Variants in TTLL5 observed in about 807,000 individuals in gnomAD.
The protein encoded by TTLL5 is tubulin polyglutamylase TTLL5.
TTLL5 carries 132 observed loss-of-function variants against 168.4 expected under a neutral mutation model. That is an observed-to-expected ratio of 0.78 (90% CI 0.68 to 0.91). The LOEUF is 0.91. Ranked by LOEUF, TTLL5 falls within the 40% of genes least tolerant of loss-of-function variation. TTLL5 has a pLI of 0.00. For missense variants in TTLL5, 1,545 were observed against 1,581.5 expected (o/e 0.98, Z 0.39); for synonymous variants, 546 against 558.6 (o/e 0.98, Z 0.32).
At chr14:75,850,236 G>A (rs1187564850) in intron 28 of TTLL5, among the ~76,000 whole-genome samples, 22 of 151,474 alleles carry the variant, frequency 1.5e-4, no homozygotes, top group Non-Finnish European at 2.7e-4. Flanking sequence ...GAGAAACCCC[G>A]TCTCTACTAA....
At chr14:75,667,392 A>G (rs2140085098) in intron 2 of TTLL5, among the ~76,000 whole-genome samples, 1 of 152,296 alleles carries the variant, frequency 6.6e-6, no homozygotes, top group African/African-American at 2.4e-5. Context: ...GTACTTGCTG[A>G]TTTAGAAATA....
At chr14:75,674,500 T>C (rs1349910678) in intron 3 of TTLL5, among the ~76,000 whole-genome samples, 2 of 152,208 alleles carry the variant, frequency 1.3e-5, no homozygotes, top group Non-Finnish European at 2.9e-5. Flanking sequence ...ACATGTTTCA[T>C]TGAATTCACT....
chr14:75,859,146 G>A (rs1000795902), intron 28 of TTLL5, among the ~76,000 whole-genome samples: 1 of 152,184 alleles, frequency 6.6e-6, no homozygotes, highest in African/African-American at 2.4e-5. Flanking sequence ...TATCTTTATG[G>A]AGAGTGCAAC....
At chr14:75,709,082 C>T in intron 9 of TTLL5, 2 of 672,658 alleles carry the variant, frequency 3.0e-6, no homozygotes, top group Non-Finnish European at 5.4e-6. Context: ...GTTGGACAAG[C>T]TTGTTATAAA....
chr14:75,874,890 C>A (rs1243998112), intron 29 of TTLL5, among the ~76,000 whole-genome samples: 3 of 129,264 alleles, frequency 2.3e-5, no homozygotes, highest in South Asian at 5.3e-4. Context: ...TTTGGGGGTG[C>A]TTTTCTGTTT....
intron 31 of TTLL5, among the ~76,000 whole-genome samples, chr14:75,925,914 GC>G (rs2034039786): frequency 6.6e-6 from 1 of 151,946 alleles, no homozygotes; most frequent in Non-Finnish European, 1.5e-5. Flanking sequence ...GTCAGGCGTG[GC>G]GGCGCGCACC....
intron 28 of TTLL5, among the ~76,000 whole-genome samples, chr14:75,854,862 C>T (rs1897050345): frequency 6.6e-6 from 1 of 152,128 alleles, no homozygotes; most frequent in Non-Finnish European, 1.5e-5. Flanking sequence ...TTCATATCAA[C>T]AGTTACCAAT....
At chr14:75,850,406 C>CA (rs35336374) in intron 28 of TTLL5, among the ~76,000 whole-genome samples, 65,368 of 91,524 alleles carry the variant, frequency 0.71, 22,936 homozygotes, top group Admixed American at 0.77. Context: ...AACTCCGTCT[C>CA]AAAAAAAAAA....
intron 18 of TTLL5, among the ~76,000 whole-genome samples, chr14:75,753,959 AT>A (rs1312822356): frequency 6.6e-6 from 1 of 152,090 alleles, no homozygotes; most frequent in Non-Finnish European, 1.5e-5. Context: ...TATTTCCCTT[AT>A]CCTTTCTTTT....
chr14:75,751,824 G>A (rs1889972560), intron 17 of TTLL5, among the ~76,000 whole-genome samples: 1 of 152,156 alleles, frequency 6.6e-6, no homozygotes, highest in Non-Finnish European at 1.5e-5. Flanking sequence ...AGTCCATAAG[G>A]TAAAGTGAAA....
rs1890964015 is a variant in TTLL5, at chr14:75,766,201, C to CAAAT, written c.1850_1853dup (p.Tyr618Ter). 6.2e-7 allele frequency: 1 copy of CAAAT among 1,613,812 alleles called. No homozygotes were observed. Among genetic ancestry groups the CAAAT allele is most frequent in the Admixed American group, 1.7e-5 (1 of 59,978 alleles). ...CAGGATTTCTTAGAGAAAATCAAGC[C>CAAAT]AAATATACACCCTCATTGACAGCTT... On this transcript the variant is annotated frameshift_variant, in exon 20 of 32. Coordinates refer to ENST00000298832, the MANE Select transcript of TTLL5 (RefSeq NM_015072.5). LOFTEE classifies it high-confidence loss of function.
chr14:75,839,350 A>G (rs1896084989), intron 28 of TTLL5, among the ~76,000 whole-genome samples: 1 of 152,202 alleles, frequency 6.6e-6, no homozygotes, highest in African/African-American at 2.4e-5. Flanking sequence ...CAAGGGTTCC[A>G]ATTTTGCCAC....
intron 29 of TTLL5, among the ~76,000 whole-genome samples, chr14:75,878,117 A>G (rs2031596652): frequency 6.6e-6 from 1 of 152,216 alleles, no homozygotes; most frequent in South Asian, 2.1e-4. Flanking sequence ...CTTTTACTGT[A>G]TTTGGAAAGA....
At chr14:75,727,541 C>T (rs1385088703) in intron 12 of TTLL5, among the ~76,000 whole-genome samples, 5 of 151,998 alleles carry the variant, frequency 3.3e-5, no homozygotes, top group East Asian at 1.9e-4. Flanking sequence ...GGTGGGAGTG[C>T]GACTGGAGAG....
chr14:75,681,813 C>T (rs758345139), intron 4 of TTLL5, among the ~76,000 whole-genome samples, 186 bp downstream of exon 4: 5 of 151,910 alleles, frequency 3.3e-5, no homozygotes, highest in Non-Finnish European at 5.9e-5. Flanking sequence ...ACATGGAAAA[C>T]GTTTCCAGAT....
chr14:75,886,977 A>T lies in TTLL5; in HGVS notation c.3740+4075A>T. The stretch of plus-strand genomic sequence containing the variant: ...CTGGGAGACTTCTCTGAAGAAAGAA[A>T]ACTGTTTAAGAAACACAGACTGAAC... On this transcript the variant is annotated intron_variant, in intron 30 of 31. Coordinates refer to ENST00000298832, the MANE Select transcript of TTLL5 (RefSeq NM_015072.5). The T allele has an allele frequency of 2.8e-6, 4 of 1,411,932 alleles. No homozygotes were observed. In the South Asian group the frequency reaches 6.6e-5, roughly 23 times the overall value. 87.5% of individuals were successfully genotyped at this position (1,411,932 alleles called of 1,614,324 possible). A position where few individuals can be genotyped will look rare whatever the true frequency, so the allele number is the denominator to read the frequency against.
chr14:75,811,636 C>T (rs1353015518), intron 27 of TTLL5, among the ~76,000 whole-genome samples: 1 of 152,154 alleles, frequency 6.6e-6, no homozygotes, highest in Admixed American at 6.5e-5. Context: ...CATGCGTTAG[C>T]GCTTTCCTCA....
chr14:75,708,527 G>A (rs1886813413), intron 9 of TTLL5, among the ~76,000 whole-genome samples: 1 of 151,870 alleles, frequency 6.6e-6, no homozygotes, highest in Admixed American at 6.6e-5. Context: ...AGGTTTCACT[G>A]TGTTAGCCAG....
intron 7 of TTLL5, among the ~76,000 whole-genome samples, chr14:75,705,015 C>T (rs1330520034): frequency 1.3e-5 from 2 of 152,140 alleles, no homozygotes; most frequent in Non-Finnish European, 2.9e-5. Context: ...AGGTTCTACT[C>T]AGTAGGAAGA....
Sources: allele counts gnomAD v4.1 joint callset (sites outside exome capture counted in the v4.1 genomes callset), GRCh38; gene constraint gnomAD v4.1.1; transcripts MANE v1.5; gene names NCBI Gene and HGNC (gene_info 2026-07-23, HGNC 2026-07-21).